The following WDR64 variants were observed in gnomAD, a reference collection of about 807,000 sequenced individuals.
WDR64 encodes the protein WD repeat domain 64.
Under a neutral mutation model 139.3 loss-of-function variants are expected in WDR64, and 112 were observed. That is an observed-to-expected ratio of 0.80 (90% CI 0.69 to 0.94). The LOEUF (loss-of-function observed/expected upper bound fraction) is 0.94, where lower values mean the gene tolerates loss of function less well. Ranked by LOEUF, WDR64 falls within the 40% of genes least tolerant of loss-of-function variation. WDR64 has a pLI of 0.00. For synonymous variants in WDR64, 444 were observed against 437.7 expected, an observed-to-expected ratio of 1.01 and a Z score of -0.18; for missense variants, 1,206 against 1,293.1, an observed-to-expected ratio of 0.93 and a Z score of 1.03.
chr1:241,760,321 A>C (rs1194407502), intron 15 of WDR64, among the ~76,000 whole-genome samples: 1 of 151,356 alleles, frequency 6.6e-6, no homozygotes, highest in Non-Finnish European at 1.5e-5. Context: ...TAGTGCTGCA[A>C]CAAATAGCCA....
chr1:241,722,696 G>A lies in WDR64; in HGVS notation c.1055-601G>A, dbSNP rs74150373. 9.3e-3 allele frequency among the ~76,000 whole-genome samples: 1,414 copies of A among 152,196 alleles called. 23 individuals carry two copies. Among genetic ancestry groups the A allele is most frequent in the African/African-American group, 0.031 (1,293 of 41,540 alleles). ...AAAGTTAACAGTGATTTCCCACAGG[G>A]AGTTAGAGATTATGGAGGAAAAGAC... On this transcript the variant is annotated intron_variant, in intron 9 of 27. Coordinates refer to ENST00000437684, the MANE Select transcript of WDR64 (RefSeq NM_001367482.1).
intron 24 of WDR64, among the ~76,000 whole-genome samples, chr1:241,788,496 G>A (rs1456699413): frequency 6.6e-6 from 1 of 152,172 alleles, no homozygotes; most frequent in Non-Finnish European, 1.5e-5. Flanking sequence ...GCCTTCAGGG[G>A]ACCAGACCTG....
intron 9 of WDR64, among the ~76,000 whole-genome samples, chr1:241,716,744 C>A (rs1668419112): frequency 6.6e-6 from 1 of 152,076 alleles, no homozygotes; most frequent in South Asian, 2.1e-4. Flanking sequence ...TCCCTTTCTG[C>A]TAATTCTGCC....
chr1:241,746,879 C>T (rs1289290077), intron 13 of WDR64, among the ~76,000 whole-genome samples: 1 of 151,904 alleles, frequency 6.6e-6, no homozygotes. Context: ...CCTGCCTCAG[C>T]CTTCTGAGTA....
In WDR64 at chr1:241,764,566, T is replaced by C. The variant is rs530978932; in HGVS notation, c.1948-1652T>C. Among the ~76,000 whole-genome samples the C allele has an allele frequency of 3.3e-5, 5 of 152,130 alleles. No homozygotes were observed. The East Asian group carries it at 9.7e-4, about 30-fold the overall frequency. On this transcript the variant is annotated intron_variant, in intron 15 of 27. Transcript: ENST00000437684. Reference sequence around the variant, plus strand: ...AGTCAAGCTATTTGGGAGGCTGTGGTGGGAGGAGTGCTTGAGCCCAGGAGT... The same window carrying C: ...AGTCAAGCTATTTGGGAGGCTGTGGCGGGAGGAGTGCTTGAGCCCAGGAGT...
In WDR64 at chr1:241,738,469, A is replaced by G. The variant is rs1669410883; in HGVS notation, c.1301A>G (p.Asn434Ser). 6.2e-7 allele frequency: 1 copy of G among 1,612,514 alleles called. No individual in the cohort carries two copies. Among genetic ancestry groups the G allele is most frequent in the Non-Finnish European group, 8.5e-7 (1 of 1,179,436 alleles). The change falls in exon 11 of 28, where the codon AAT becomes AGT. Residue 434 changes from asparagine (N) to serine (S), a missense_variant. Asn to Ser is a conservative substitution (Grantham distance 46). Transcript: ENST00000437684. ...ATTTACTCTATGATATATGATGCCA[A>G]TCATGGCATGCTTATTACGGGTAAG... ...MQIYSMIYDA[N>S]HGMLITGSSV... is the part of the protein sequence containing the mutation.
intron 10 of WDR64, among the ~76,000 whole-genome samples, chr1:241,727,860 C>A (rs886664442): frequency 6.6e-6 from 1 of 151,216 alleles, no homozygotes; most frequent in Non-Finnish European, 1.5e-5. Context: ...GGCAAAATAG[C>A]AAGACCCCAT....
intron 10 of WDR64, among the ~76,000 whole-genome samples, chr1:241,728,384 G>T (rs546448935): frequency 3.3e-5 from 5 of 149,392 alleles, no homozygotes; most frequent in Non-Finnish European, 5.9e-5. Context: ...CATGTTTTTG[G>T]TTTTTTTATT....
At chr1:241,722,904 A>G (rs1300047360) in intron 9 of WDR64, among the ~76,000 whole-genome samples, 1 of 152,172 alleles carries the variant, frequency 6.6e-6, no homozygotes, top group Non-Finnish European at 1.5e-5. Context: ...TCTGTCCTTG[A>G]TTTCTTTCAT....
At chr1:241,689,177 C>T (rs555834866) in intron 8 of WDR64, among the ~76,000 whole-genome samples, 5 of 152,194 alleles carry the variant, frequency 3.3e-5, no homozygotes, top group African/African-American at 9.6e-5. Context: ...TCACCTTCCC[C>T]CACAGCTTAC....
intron 27 of WDR64, 54 bp downstream of exon 27, chr1:241,796,424 G>C: frequency 8.3e-7 from 1 of 1,201,948 alleles, no homozygotes; most frequent in Admixed American, 2.1e-5. Context: ...TCCTATTTCT[G>C]TTTGTTTTTT....
At chr1:241,748,809 G>A (rs1044530953) in intron 13 of WDR64, among the ~76,000 whole-genome samples, 3 of 151,818 alleles carry the variant, frequency 2.0e-5, no homozygotes, top group African/African-American at 7.3e-5. Context: ...GTGTGGTGGT[G>A]GGCGCCTGCA....
At chr1:241,782,924 A>G (rs1223238770) in intron 22 of WDR64, among the ~76,000 whole-genome samples, 1 of 152,034 alleles carries the variant, frequency 6.6e-6, no homozygotes, top group Non-Finnish European at 1.5e-5. Flanking sequence ...GATTATATTT[A>G]CTTTCAGTCC....
At chr1:241,717,138 C>T (rs1261062362) in intron 9 of WDR64, among the ~76,000 whole-genome samples, 1 of 152,134 alleles carries the variant, frequency 6.6e-6, no homozygotes, top group African/African-American at 2.4e-5. Context: ...AAAGCAAATG[C>T]AGTCAAGATA....
intron 9 of WDR64, among the ~76,000 whole-genome samples, chr1:241,719,657 A>G (rs1027519845): frequency 2.6e-5 from 4 of 152,206 alleles, no homozygotes; most frequent in African/African-American, 9.6e-5. Context: ...TCCATACCTG[A>G]CATGCCCTTT....
Position 241,783,316 on chromosome 1 carries a change from T to C in WDR64, c.2640T>C (p.Ile880=). 6.2e-7 allele frequency: 1 copy of C among 1,614,042 alleles called. No individual in the cohort carries two copies. Among genetic ancestry groups the C allele is most frequent in the Non-Finnish European group, 8.5e-7 (1 of 1,179,988 alleles). Residue 880 remains isoleucine (I), a synonymous_variant, in exon 23 of 28, where the codon ATT becomes ATC. Transcript: ENST00000437684. ...CCTGGCGTGCTCATTCTTTGGAAAT[T>C]ATTCAAGTAATCTATGTAGAAGAAA... ...LLSWRAHSLE[I]IQVIYVEEKQ...
Position 241,790,628 on chromosome 1 carries a change from C to T in WDR64, c.2929C>T (p.Arg977Cys), listed in dbSNP as rs747580705. The stretch of plus-strand genomic sequence containing the variant: ...GAGCTCAGTGTCTCTACTTTTCAAA[C>T]GCACACCTCCCAAGGCCTTTGAAGT... The part of the protein sequence containing the change: ...KMSSVSLLFK[R>C]TPPKAFEVEQ... Residue 977 changes from arginine to cysteine, a missense_variant, in exon 25 of 28, where the codon CGC becomes TGC. Physicochemically the swap from Arg to Cys is radical, Grantham distance 180. Transcript: ENST00000437684. The T allele has an allele frequency of 2.0e-5, 33 of 1,611,208 alleles. No individual in the cohort carries two copies. In the South Asian group the frequency reaches 2.2e-4, roughly 11 times the overall value.
At chr1:241,754,530 G>A (rs907631543) in intron 14 of WDR64, among the ~76,000 whole-genome samples, 2 of 151,934 alleles carry the variant, frequency 1.3e-5, no homozygotes, top group South Asian at 4.2e-4. Context: ...ATGTTGGCCA[G>A]GATAGTCTCA....
At chr1:241,786,601 C>A (rs1221388053) in intron 23 of WDR64, among the ~76,000 whole-genome samples, 4 of 152,030 alleles carry the variant, frequency 2.6e-5, no homozygotes, top group Non-Finnish European at 4.4e-5. Context: ...GGTATTTGCA[C>A]AATAGTAGCA....
Sources: allele counts gnomAD v4.1 joint callset (sites outside exome capture counted in the v4.1 genomes callset), GRCh38; gene constraint gnomAD v4.1.1; transcripts MANE v1.5; gene names NCBI Gene and HGNC (gene_info 2026-07-23, HGNC 2026-07-21).